The following GRIP2 variants were observed in gnomAD, a reference collection of about 807,000 sequenced individuals.
GRIP2 encodes the protein glutamate receptor-interacting protein 2.
GRIP2 carries 58 observed loss-of-function variants against 108.3 expected under a neutral mutation model. The ratio of observed to expected loss-of-function variants is 0.54; its 90% CI spans 0.43 to 0.67. The LOEUF (loss-of-function observed/expected upper bound fraction) is 0.67, where lower values mean the gene tolerates loss of function less well. Ranked by LOEUF, GRIP2 falls within the 30% of genes least tolerant of loss-of-function variation. GRIP2 has a pLI of 0.00. For synonymous variants in GRIP2, 586 were observed against 598.2 expected (o/e 0.98, Z 0.30); for missense variants, 1,278 against 1,430.6 (o/e 0.89, Z 1.72).
At chr3:14,536,153 GA>G (rs1158703827) in intron 1 of GRIP2, among the ~76,000 whole-genome samples, 1 of 152,152 alleles carries the variant, frequency 6.6e-6, no homozygotes, top group Admixed American at 6.5e-5. Context: ...GGATTGCAAA[GA>G]AAAAAATAAA....
Position 14,490,427 on chromosome 3 carries a change from A to G in GRIP2, c.*3238T>C, listed in dbSNP as rs1701308966. 6.5e-6 allele frequency: 1 copy of G among 152,786 alleles called. No homozygotes were observed. Among genetic ancestry groups the G allele is most frequent in the Non-Finnish European group, 1.5e-5 (1 of 68,504 alleles). 9.5% of individuals were successfully genotyped at this position (152,786 alleles called of 1,614,324 possible). On this transcript the variant is annotated 3_prime_UTR_variant, in exon 24 of 24. Coordinates refer to ENST00000621039, the MANE Select transcript of GRIP2 (RefSeq NM_001080423.4). Reference sequence around the variant, plus strand: ...CTGCTCACAGAACTGTGGCCTCCCCAGTGGGGCCTGGCCCTGGCCTCTGGG... The same window carrying G: ...CTGCTCACAGAACTGTGGCCTCCCCGGTGGGGCCTGGCCCTGGCCTCTGGG...
chr3:14,592,195 A>C, the GRIP2 span, among the ~76,000 whole-genome samples: 5 of 152,168 alleles, frequency 3.3e-5, no homozygotes, highest in African/African-American at 1.2e-4. Flanking sequence ...TGGGTCCTTG[A>C]GCTCAGCTCA....
intron 1 of GRIP2, among the ~76,000 whole-genome samples, chr3:14,529,428 T>C (rs1694653084): frequency 6.6e-6 from 1 of 152,202 alleles, no homozygotes; most frequent in Non-Finnish European, 1.5e-5. Context: ...ATCCTGGGCA[T>C]AATGCAATTT....
At chr3:14,526,386 A>G (rs957830702) in intron 1 of GRIP2, among the ~76,000 whole-genome samples, 5 of 151,908 alleles carry the variant, frequency 3.3e-5, no homozygotes, top group Non-Finnish European at 7.4e-5. Context: ...TGGGAGGGGG[A>G]GCTCTCTCAA....
chr3:14,579,189 G>A, the GRIP2 span, among the ~76,000 whole-genome samples: 1 of 152,120 alleles, frequency 6.6e-6, no homozygotes, highest in African/African-American at 2.4e-5. Flanking sequence ...AGAGGCCAGA[G>A]ACAAAAGATA....
At position 14,540,255 on chromosome 3, in the gene GRIP2, C is replaced by G; in HGVS notation, c.40+14G>C. 6.2e-7 allele frequency: 1 copy of G among 1,613,200 alleles called. No individual in the cohort carries two copies. Among genetic ancestry groups the G allele is most frequent in the East Asian group, 2.2e-5 (1 of 44,850 alleles). On this transcript the variant is annotated intron_variant, in intron 1 of 23. Transcript: ENST00000621039. The surrounding 1 kb of genome is among the most constrained non-coding windows in gnomAD (Gnocchi z 4.1). ...CAGCCCCATCACTCTGCCCACAGAC[C>G]CCCCATTACGTACCCGCCTCTCCAG...
At chr3:14,541,892 C>A, upstream of GRIP2, 10 of 1,338,144 alleles carry the variant, frequency 7.5e-6, no homozygotes, top group Non-Finnish European at 9.9e-6. Context: ...CCACCGGTAC[C>A]CTGGCAGTGG....
At chr3:14,518,032 A>G (rs951910336) in intron 9 of GRIP2, 135 bp from the exon 10 acceptor site, 29 of 1,065,542 alleles carry the variant, frequency 2.7e-5, no homozygotes, top group African/African-American at 2.6e-4. Flanking sequence ...TTCTGCTCAC[A>G]TGTCCCGGAC....
At chr3:14,532,492 A>T (rs761242321) in intron 1 of GRIP2, among the ~76,000 whole-genome samples, 1 of 152,216 alleles carries the variant, frequency 6.6e-6, no homozygotes, top group Non-Finnish European at 1.5e-5. Flanking sequence ...GAAGCTGAGC[A>T]GCATCCTTGG....
chr3:14,602,459 C>T, the GRIP2 span, among the ~76,000 whole-genome samples: 1 of 152,072 alleles, frequency 6.6e-6, no homozygotes, highest in Non-Finnish European at 1.5e-5. The surrounding 1 kb of genome is among the most constrained non-coding windows in gnomAD (Gnocchi z 4.7). Context: ...CGGACCGCAG[C>T]CTCGGGGGCC....
At chr3:14,570,779 G>A in the GRIP2 span, among the ~76,000 whole-genome samples, 21 of 152,322 alleles carry the variant, frequency 1.4e-4, no homozygotes, top group African/African-American at 4.6e-4. Context: ...TGCTTTTACC[G>A]GAGCTACCCA....
chr3:14,579,629 C>T, the GRIP2 span, among the ~76,000 whole-genome samples: 1 of 152,056 alleles, frequency 6.6e-6, no homozygotes, highest in African/African-American at 2.4e-5. Flanking sequence ...AAGATGAGAA[C>T]GCCACAGCCC....
the GRIP2 span, chr3:14,574,013 G>A: frequency 2.2e-6 from 3 of 1,341,984 alleles, no homozygotes; most frequent in South Asian, 2.4e-5. Context: ...CCAGGTGGAT[G>A]AGGGCCTCCG....
chr3:14,546,831 T>C (rs556869713), upstream of GRIP2, among the ~76,000 whole-genome samples: 1 of 152,114 alleles, frequency 6.6e-6, no homozygotes, highest in South Asian at 2.1e-4. Context: ...TGTGGGGAGA[T>C]GGAGATGGAA....
At position 14,511,829 on chromosome 3, in the gene GRIP2, G is replaced by GGTGTCT. The variant is rs759385389; in HGVS notation, c.1721-356_1721-351dup. Among the ~76,000 whole-genome samples the GGTGTCT allele has an allele frequency of 1.3e-5, 2 of 152,192 alleles. No homozygotes were observed. The highest frequency in any genetic ancestry group is 2.4e-5 in the African/African-American group (1 of 41,444). On this transcript the variant is annotated intron_variant, in intron 14 of 23. Transcript: ENST00000621039. This position sits in a 1 kb window ranked among gnomAD's most constrained non-coding sequence, Gnocchi z 4.1. Reference sequence around the variant, plus strand: ...CTTTGTGGAGGGGGGCTGTCTGCTTGGTGTCTGTGTCCCCAGCACCGGGCT... The same window carrying GGTGTCT: ...CTTTGTGGAGGGGGGCTGTCTGCTTGGTGTCTGTGTCTGTGTCCCCAGCACCGGGCT...
chr3:14,573,758 C>T, the GRIP2 span: 2 of 1,528,928 alleles, frequency 1.3e-6, no homozygotes, highest in African/African-American at 2.7e-5. Flanking sequence ...CATCATATAC[C>T]CTGGGATCCT....
chr3:14,540,412 C>T, upstream of GRIP2: 1 of 1,603,944 alleles, frequency 6.2e-7, no homozygotes, highest in African/African-American at 1.3e-5. The surrounding 1 kb of genome is among the most constrained non-coding windows in gnomAD (Gnocchi z 4.1). Context: ...AAGCTCACAG[C>T]TCCCACTGGC....
rs2124885322 is a variant in GRIP2 at position 14,511,093 on chromosome 3, G to A, written c.1933+72C>T. The A allele has an allele frequency of 1.3e-6, 2 of 1,564,290 alleles. No homozygotes were observed. The highest frequency in any genetic ancestry group is 1.7e-6 in the Non-Finnish European group (2 of 1,150,548). On this transcript the variant is annotated intron_variant, in intron 16 of 23. Coordinates refer to ENST00000621039, the MANE Select transcript of GRIP2 (RefSeq NM_001080423.4). This position sits in a 1 kb window ranked among gnomAD's most constrained non-coding sequence, Gnocchi z 4.1. The stretch of plus-strand genomic sequence containing the variant: ...CCCTTCCTCGGCTGGAGGGAGCCCT[G>A]AATTGCAAGCTGGGAACCCGCTAGT...
chr3:14,537,813 C>T (rs1308045464), intron 1 of GRIP2, among the ~76,000 whole-genome samples: 1 of 152,208 alleles, frequency 6.6e-6, no homozygotes, highest in Non-Finnish European at 1.5e-5. Flanking sequence ...CTTCCCTGCC[C>T]CCAGCATGGC....
Sources: allele counts gnomAD v4.1 joint callset (sites outside exome capture counted in the v4.1 genomes callset), GRCh38; gene constraint gnomAD v4.1.1; non-coding constraint Gnocchi (gnomAD v3.1); transcripts MANE v1.5; gene names NCBI Gene and HGNC (gene_info 2026-07-23, HGNC 2026-07-21).